Variants in STON1 observed in about 807,000 individuals in gnomAD.
STON1 encodes stonin-1.
Under a neutral mutation model 60.9 loss-of-function variants are expected in STON1, and 79 were observed. The observed-to-expected ratio is 1.30, with a 90% CI of 1.08 to 1.56. The LOEUF is 1.56. Among genes scored for constraint, STON1 ranks in the 40% most tolerant of loss-of-function variants. The pLI, the probability that STON1 is intolerant of heterozygous loss-of-function variation, is 0.00. For synonymous variants in STON1, 363 were observed against 306.9 expected (o/e 1.18, Z -1.91); for missense variants, 1,166 against 858.9 (o/e 1.36, Z -4.47).
intron 1 of STON1, among the ~76,000 whole-genome samples, chr2:48,576,192 T>TTTC (rs1278153544): frequency 1.7e-5 from 2 of 120,272 alleles, no homozygotes; most frequent in South Asian, 3.1e-4. Flanking sequence ...TTTCTTTTTT[T>TTTC]TTTTTTTTTT....
At position 48,536,425 on chromosome 2, in the gene STON1, A is replaced by G. The variant is rs376641177; in HGVS notation, c.-48+6209A>G. Among the ~76,000 whole-genome samples the G allele has an allele frequency of 3.1e-4, 47 of 151,690 alleles. 1 individual carries two copies. The East Asian group carries it at 6.8e-3, about 22-fold the overall frequency. On this transcript the variant is annotated intron_variant, in intron 1 of 3. Transcript: ENST00000404752. Reference sequence around the variant, plus strand: ...TAGCCGAGTGTGGTGGTGGGTGCCTATAATCCCAGCTACTCGGGAGGTTGA... The same window carrying G: ...TAGCCGAGTGTGGTGGTGGGTGCCTGTAATCCCAGCTACTCGGGAGGTTGA...
intron 1 of STON1, among the ~76,000 whole-genome samples, chr2:48,543,672 T>G (rs2103763833): frequency 6.6e-6 from 1 of 151,646 alleles, no homozygotes; most frequent in South Asian, 2.1e-4. Flanking sequence ...GCTGGGACTA[T>G]AGGCATACAC....
At chr2:48,594,236 G>GTA (rs1375644191) in intron 3 of STON1, among the ~76,000 whole-genome samples, 2 of 151,986 alleles carry the variant, frequency 1.3e-5, no homozygotes, top group East Asian at 1.9e-4. Context: ...ATAACACTAG[G>GTA]TATATATATA....
rs1673888445 is a variant in STON1 at position 48,581,568 on chromosome 2, A to C, written c.935A>C (p.Glu312Ala). ...LPGGILQMYY[E>A]QGLEKPFKEI... ...GGAGGAATTTTGCAGATGTATTATG[A>C]ACAGGGATTAGAAAAACCATTTAAA... is the stretch of plus-strand genomic sequence containing the variant. The change falls in exon 2 of 4, where the codon GAA becomes GCA. Residue 312 changes from glutamate (E) to alanine (A), a missense_variant. Glu to Ala is a moderately radical substitution (Grantham distance 107, BLOSUM62 -1). Coordinates refer to ENST00000404752, the MANE Select transcript of STON1 (RefSeq NM_006873.4). 31 of 1,614,214 alleles carry C rather than the reference A, an allele frequency of 1.9e-5. No individual in the cohort carries two copies. The highest frequency in any genetic ancestry group is 2.6e-5 in the Non-Finnish European group (31 of 1,180,028).
chr2:48,539,023 T>A (rs1671548083), intron 1 of STON1, among the ~76,000 whole-genome samples: 1 of 152,082 alleles, frequency 6.6e-6, no homozygotes, highest in African/African-American at 2.4e-5. Flanking sequence ...GCTCAAGCTA[T>A]CCTCTTGCCT....
At chr2:48,591,929 G>A (rs1228377379) in intron 3 of STON1, 74 bp downstream of exon 3, 5 of 1,536,776 alleles carry the variant, frequency 3.3e-6, no homozygotes, top group African/African-American at 2.7e-5. Flanking sequence ...TTGTGATCGT[G>A]TATGTGTTGT....
In STON1 at chr2:48,581,889, T is replaced by C; in HGVS notation, c.1256T>C (p.Ile419Thr). Reference sequence around the variant, plus strand: ...GAGGAGCAAGAAATTTCCTTGGAAATTGTGGACAACTTTTGGGGTAAAGTC... The same window carrying C: ...GAGGAGCAAGAAATTTCCTTGGAAACTGTGGACAACTTTTGGGGTAAAGTC... Reference protein sequence around the residue: ...NYEEQEISLEIVDNFWGKVTK... With the variant: ...NYEEQEISLETVDNFWGKVTK... Residue 419 changes from isoleucine (I) to threonine (T), a missense_variant, in exon 2 of 4, where the codon ATT (isoleucine) becomes ACT (threonine). Ile to Thr is a moderately conservative substitution (Grantham distance 89). Transcript: ENST00000404752. The C allele has an allele frequency of 1.2e-6, 2 of 1,613,966 alleles. No individual in the cohort carries two copies. Among genetic ancestry groups the C allele is most frequent in the South Asian group, 1.1e-5 (1 of 90,984 alleles).
At chr2:48,541,521 TAAAAAAAAAA>T (rs1276920612) in intron 1 of STON1, among the ~76,000 whole-genome samples, 1 of 92,388 alleles carries the variant, frequency 1.1e-5, no homozygotes, top group Non-Finnish European at 2.2e-5. Flanking sequence ...CCATCTCTAC[TAAAAAAAAAA>T]AAAAAAAAAA....
chr2:48,585,383 G>T (rs1222155511), intron 2 of STON1, among the ~76,000 whole-genome samples: 1 of 152,028 alleles, frequency 6.6e-6, no homozygotes, highest in African/African-American at 2.4e-5. Flanking sequence ...AAGTAGCTAG[G>T]ATTACAGGCC....
intron 1 of STON1, among the ~76,000 whole-genome samples, chr2:48,551,306 C>G (rs895641923): frequency 4.6e-5 from 7 of 152,156 alleles, no homozygotes. Flanking sequence ...TGCAACAAAT[C>G]TGAGTCCTCC....
At chr2:48,594,161 C>G (rs116086903) in intron 3 of STON1, among the ~76,000 whole-genome samples, 1 of 152,134 alleles carries the variant, frequency 6.6e-6, no homozygotes, top group Non-Finnish European at 1.5e-5. Flanking sequence ...CTCAACGGCA[C>G]TCTCCAGTAA....
In STON1 at chr2:48,542,072, A is replaced by G. The variant is rs117762811; in HGVS notation, c.-48+11856A>G. On this transcript the variant is annotated intron_variant, in intron 1 of 3. Transcript: ENST00000404752. ...GGAAAAGTTCCTGTTGTCCTTGGAT[A>G]TGAAGACGATGTTCTGTTTCTGCTG... Among the ~76,000 whole-genome samples, 34 of 152,348 alleles carry G rather than the reference A, an allele frequency of 2.2e-4. No homozygotes were observed. The East Asian group carries it at 5.4e-3, about 24-fold the overall frequency.
intron 1 of STON1, among the ~76,000 whole-genome samples, chr2:48,538,264 A>G (rs772340184): frequency 6.6e-6 from 1 of 151,988 alleles, no homozygotes; most frequent in African/African-American, 2.4e-5. Flanking sequence ...GCTGGCATAT[A>G]TGTTTTTCTT....
At chr2:48,564,208 G>C (rs1043270246) in intron 1 of STON1, among the ~76,000 whole-genome samples, 8 of 152,160 alleles carry the variant, frequency 5.3e-5, no homozygotes, top group African/African-American at 1.9e-4. Flanking sequence ...TCAAGTTTGA[G>C]CTACTATCAC....
rs1558604783 is a variant in STON1, at chr2:48,564,480, T to TTCTTTCTTCTTCTTCTTCTTCTTC, written c.-47-16106_-47-16105insCTTTCTTCTTCTTCTTCTTCTTCT. ...CTTCTTCTTCTTCTTCTTCTTCTTC[T>TTCTTTCTTCTTCTTCTTCTTCTTC]TTCTTCTTCTTCTTCTTCTTCTTCT... On this transcript the variant is annotated intron_variant, in intron 1 of 3. Coordinates refer to ENST00000404752, the MANE Select transcript of STON1 (RefSeq NM_006873.4). Among the ~76,000 whole-genome samples, 2 of 32,480 alleles carry TTCTTTCTTCTTCTTCTTCTTCTTC rather than the reference T, an allele frequency of 6.2e-5. 1 individual carries two copies. Among genetic ancestry groups the TTCTTTCTTCTTCTTCTTCTTCTTC allele is most frequent in the Non-Finnish European group, 1.3e-4 (2 of 15,506 alleles). The allele number at this position is 32,480 out of a possible 152,430, so 21.3% of individuals were successfully genotyped here. A position where few individuals can be genotyped will look rare whatever the true frequency, so the allele number is the denominator to read the frequency against.
chr2:48,580,971 C>A lies in STON1; in HGVS notation c.338C>A (p.Pro113Gln). The stretch of plus-strand genomic sequence containing the variant: ...ATTCCAGAATCATCTTCAGACAGCC[C>A]ACTCGCAATATCAGGAGGAGAATCT... ...YPIPESSSDS[P>Q]LAISGGESSL... The change falls in exon 2 of 4, where the codon CCA becomes CAA. Residue 113 changes from proline (P) to glutamine (Q), a missense_variant. Physicochemically the swap from Pro to Gln is moderately conservative, Grantham distance 76. Coordinates refer to ENST00000404752, the MANE Select transcript of STON1 (RefSeq NM_006873.4). The A allele has an allele frequency of 6.3e-7, 1 of 1,580,082 alleles. No homozygotes were observed. Among genetic ancestry groups the A allele is most frequent in the South Asian group, 1.2e-5 (1 of 83,770 alleles).
In STON1 at chr2:48,596,793, G is replaced by A. The variant is rs1397404452; in HGVS notation, c.*1491G>A. ...TTTTATTGCTTTTCATTATTTTACT[G>A]TAAAGGCAAAGAATGCAATAGGTGA... is the stretch of plus-strand genomic sequence containing the variant. On this transcript the variant is annotated 3_prime_UTR_variant, in exon 4 of 4. Coordinates refer to ENST00000404752, the MANE Select transcript of STON1 (RefSeq NM_006873.4). The A allele has an allele frequency of 6.6e-6, 1 of 152,052 alleles. No individual in the cohort carries two copies. The highest frequency in any genetic ancestry group is 1.5e-5 in the Non-Finnish European group (1 of 68,012). 9.4% of individuals were successfully genotyped at this position (152,052 alleles called of 1,614,324 possible).
Position 48,582,107 on chromosome 2 carries a change from A to T in STON1, c.1474A>T (p.Asn492Tyr). Residue 492 changes from asparagine (N) to tyrosine (Y), a missense_variant, in exon 2 of 4, where the codon AAT becomes TAT. Asn to Tyr is a moderately radical substitution (Grantham distance 143). Transcript: ENST00000404752. Reference sequence around the variant, plus strand: ...TGACTACCATTTTCATAAGTGTGTGAATGTACAAGAATTTGAGCAATCAAG... The same window carrying T: ...TGACTACCATTTTCATAAGTGTGTGTATGTACAAGAATTTGAGCAATCAAG... ...ILDYHFHKCVNVQEFEQSRII... is the reference protein window; with the variant it reads ...ILDYHFHKCVYVQEFEQSRII... 1 of 1,614,206 alleles carries T rather than the reference A, an allele frequency of 6.2e-7. No individual in the cohort carries two copies. Among genetic ancestry groups the T allele is most frequent in the Non-Finnish European group, 8.5e-7 (1 of 1,180,036 alleles).
chr2:48,541,854 TCTGGAACC>T (rs1671669054), intron 1 of STON1, among the ~76,000 whole-genome samples: 1 of 152,102 alleles, frequency 6.6e-6, no homozygotes, highest in Admixed American at 6.6e-5. Context: ...ACTGCCACCA[TCTGGAACC>T]CTGCACGCTT....
Sources: gnomAD v4.1 joint callset for allele counts (sites outside exome capture counted in the v4.1 genomes callset) on GRCh38, gnomAD v4.1.1 for gene constraint, MANE v1.5 for transcripts, NCBI Gene and HGNC (gene_info 2026-07-23, HGNC 2026-07-21) for gene names.